EPHB1: variants seen among roughly 807,000 people sequenced by gnomAD.
The protein encoded by EPHB1 is EPH receptor B1.
A neutral mutation model predicts 94.4 loss-of-function variants in EPHB1; 30 were observed. The ratio of observed to expected loss-of-function variants is 0.32; its 90% CI spans 0.24 to 0.43. The LOEUF is 0.43. Among genes scored for constraint, EPHB1 ranks in the 20% least tolerant of loss-of-function variants. The probability of loss-of-function intolerance (pLI) is 1.00; values close to 1 mark genes in which losing one functional copy is unlikely to be tolerated. For missense variants in EPHB1, 1,055 were observed against 1,308.3 expected (o/e 0.81, Z 2.99); for synonymous variants, 522 against 489.1 (o/e 1.07, Z -0.89).
chr3:134,948,354 C>T (rs1431908957), intron 2 of EPHB1, among the ~76,000 whole-genome samples: 1 of 151,670 alleles, frequency 6.6e-6, no homozygotes, highest in Non-Finnish European at 1.5e-5. Flanking sequence ...ATTTCCTTTC[C>T]TCAAGTCATG....
rs527494795 is a variant in EPHB1 at position 135,202,670 on chromosome 3, A to G, written c.2346+981A>G. ...TACAAAAATCAAAACAATGCAGAGA[A>G]GTAAAAGGAAACGCCAATTAGAATG... On this transcript the variant is annotated intron_variant, in intron 12 of 15. Coordinates refer to ENST00000398015, the MANE Select transcript of EPHB1 (RefSeq NM_004441.5). 8.5e-5 allele frequency among the ~76,000 whole-genome samples: 13 copies of G among 152,350 alleles called. No individual in the cohort carries two copies. The East Asian group carries it at 2.1e-3, about 25-fold the overall frequency.
chr3:134,844,696 A>G (rs1410612619), intron 1 of EPHB1, among the ~76,000 whole-genome samples: 1 of 152,180 alleles, frequency 6.6e-6, no homozygotes, highest in African/African-American at 2.4e-5. Flanking sequence ...TGCCACAGGT[A>G]CCCACTATTC....
chr3:135,053,113 T>C (rs1264195915), intron 3 of EPHB1, among the ~76,000 whole-genome samples: 1 of 144,376 alleles, frequency 6.9e-6, no homozygotes, highest in Admixed American at 7.0e-5. Context: ...TATCCAGATA[T>C]TTGTTCAAAC....
chr3:134,824,125 C>T (rs1488364981), intron 1 of EPHB1, among the ~76,000 whole-genome samples: 4 of 100,758 alleles, frequency 4.0e-5, no homozygotes, highest in Non-Finnish European at 8.2e-5. Context: ...GGATAATGCC[C>T]TTTTTTTTTT....
At chr3:134,930,121 G>T (rs1235050835) in intron 2 of EPHB1, among the ~76,000 whole-genome samples, 1 of 152,222 alleles carries the variant, frequency 6.6e-6, no homozygotes, top group Admixed American at 6.5e-5. Flanking sequence ...AGCCTGTGTG[G>T]CAGGCTTTCA....
chr3:135,166,199 C>G (rs1020176491), intron 8 of EPHB1, 123 bp downstream of exon 8: 14 of 693,794 alleles, frequency 2.0e-5, no homozygotes, highest in Non-Finnish European at 3.1e-5. Context: ...CACTCCATCT[C>G]AATCCAAGAG....
chr3:134,933,568 T>C (rs1362572847), intron 2 of EPHB1, among the ~76,000 whole-genome samples: 1 of 152,120 alleles, frequency 6.6e-6, no homozygotes, highest in African/African-American at 2.4e-5. Flanking sequence ...AATCTATCAC[T>C]GTATGACAGA....
chr3:135,110,329 T>G (rs908060788), intron 4 of EPHB1, among the ~76,000 whole-genome samples: 4 of 151,960 alleles, frequency 2.6e-5, no homozygotes, highest in African/African-American at 9.7e-5. Context: ...GAAAAAGGGG[T>G]CATTGTGTCC....
chr3:134,926,828 T>C (rs2038800763), intron 2 of EPHB1, among the ~76,000 whole-genome samples: 2 of 152,224 alleles, frequency 1.3e-5, no homozygotes, highest in Admixed American at 1.3e-4. Context: ...TAAGAGGCTC[T>C]TTCAGCTGTC....
intron 3 of EPHB1, among the ~76,000 whole-genome samples, chr3:135,082,950 C>A (rs1459936664): frequency 6.6e-6 from 1 of 152,092 alleles, no homozygotes; most frequent in Non-Finnish European, 1.5e-5. Flanking sequence ...ATGTGGAAGT[C>A]AAGAGCTGGC....
intron 12 of EPHB1, among the ~76,000 whole-genome samples, chr3:135,217,636 C>T (rs984476432): frequency 6.6e-6 from 1 of 152,106 alleles, no homozygotes; most frequent in Non-Finnish European, 1.5e-5. Flanking sequence ...ACAAACATTC[C>T]GAGTAGGCAC....
chr3:135,008,916 A>G (rs1001460386), intron 3 of EPHB1, among the ~76,000 whole-genome samples: 1 of 152,186 alleles, frequency 6.6e-6, no homozygotes, highest in Non-Finnish European at 1.5e-5. Context: ...CACAACTCAC[A>G]TGTCTGGGTG....
At chr3:135,146,678 C>T (rs889617424) in intron 5 of EPHB1, among the ~76,000 whole-genome samples, 2 of 152,266 alleles carry the variant, frequency 1.3e-5, no homozygotes, top group African/African-American at 4.8e-5. Context: ...TCTTTGCTAG[C>T]TTCCCCTTTC....
chr3:134,810,589 G>A (rs989811046), intron 1 of EPHB1, among the ~76,000 whole-genome samples: 1 of 152,198 alleles, frequency 6.6e-6, no homozygotes, highest in Non-Finnish European at 1.5e-5. Context: ...TTGTCATAAT[G>A]TATCAGCGTA....
chr3:134,831,525 A>G (rs918963490), intron 1 of EPHB1, among the ~76,000 whole-genome samples: 7 of 152,322 alleles, frequency 4.6e-5, no homozygotes, highest in Admixed American at 6.5e-5. Flanking sequence ...GCTTCTGCCT[A>G]TCCCACCCCT....
chr3:134,904,392 C>T (rs2038272237), intron 1 of EPHB1, among the ~76,000 whole-genome samples: 1 of 152,130 alleles, frequency 6.6e-6, no homozygotes, highest in African/African-American at 2.4e-5. Context: ...ATCTCTGAGG[C>T]AGCGTGTGAA....
At chr3:135,185,609 G>A (rs957179542) in intron 10 of EPHB1, among the ~76,000 whole-genome samples, 7 of 152,166 alleles carry the variant, frequency 4.6e-5, no homozygotes, top group African/African-American at 1.4e-4. Context: ...ATAGCTTGCC[G>A]AAGGCTGTGC....
chr3:134,831,190 G>T (rs1476226404), intron 1 of EPHB1, among the ~76,000 whole-genome samples: 1 of 152,198 alleles, frequency 6.6e-6, no homozygotes, highest in Non-Finnish European at 1.5e-5. Context: ...CTGGCAAATT[G>T]CTTCCCAGAT....
chr3:135,151,470 C>T (rs1166815065), intron 5 of EPHB1, among the ~76,000 whole-genome samples: 3 of 152,168 alleles, frequency 2.0e-5, no homozygotes, highest in African/African-American at 7.2e-5. Context: ...CACCTCTCAC[C>T]TCTGGCATCC....
Sources: allele counts gnomAD v4.1 joint callset (sites outside exome capture counted in the v4.1 genomes callset), GRCh38; gene constraint gnomAD v4.1.1; transcripts MANE v1.5; gene names NCBI Gene and HGNC (gene_info 2026-07-23, HGNC 2026-07-21).